The following TOX variants were observed in gnomAD, a reference collection of about 807,000 sequenced individuals.
TOX encodes thymocyte selection-associated high mobility group box protein TOX.
Under a neutral mutation model 53.7 loss-of-function variants are expected in TOX, and 11 were observed. The ratio of observed to expected loss-of-function variants is 0.20; its 90% CI spans 0.13 to 0.34. TOX has a LOEUF of 0.34. Ranked by LOEUF, TOX falls within the 10% of genes least tolerant of loss-of-function variation. The pLI, the probability that TOX is intolerant of heterozygous loss-of-function variation, is 1.00. For synonymous variants in TOX, 225 were observed against 245.3 expected, an observed-to-expected ratio of 0.92 and a Z score of 0.77; for missense variants, 570 against 664.6, an observed-to-expected ratio of 0.86 and a Z score of 1.56.
At chr8:58,889,545 C>T (rs912023486) in intron 3 of TOX, among the ~76,000 whole-genome samples, 5 of 151,970 alleles carry the variant, frequency 3.3e-5, no homozygotes, top group African/African-American at 1.2e-4. Flanking sequence ...GGATACTTTG[C>T]AGTTTTGAAC....
At chr8:58,961,040 A>G (rs1481184930) in intron 1 of TOX, among the ~76,000 whole-genome samples, 1 of 152,234 alleles carries the variant, frequency 6.6e-6, no homozygotes, top group Non-Finnish European at 1.5e-5. Context: ...TGTTATTGAT[A>G]GTGGTGCAAA....
chr8:59,040,716 A>G (rs1446716676), intron 1 of TOX, among the ~76,000 whole-genome samples: 13 of 152,224 alleles, frequency 8.5e-5, no homozygotes, highest in Admixed American at 8.5e-4. Flanking sequence ...CACTTTGACT[A>G]GAAAGTCCAA....
At chr8:58,825,814 A>C (rs1174531728) in intron 6 of TOX, among the ~76,000 whole-genome samples, 3 of 152,220 alleles carry the variant, frequency 2.0e-5, no homozygotes, top group African/African-American at 4.8e-5. Flanking sequence ...AGTTGGTATC[A>C]ACAGAAAATA....
intron 2 of TOX, among the ~76,000 whole-genome samples, chr8:58,956,193 T>A: frequency 6.6e-6 from 1 of 152,194 alleles, no homozygotes; most frequent in East Asian, 1.9e-4. Flanking sequence ...TTAATTTAGA[T>A]GAACATTTAT....
intron 4 of TOX, among the ~76,000 whole-genome samples, chr8:58,842,554 T>A (rs999087138): frequency 2.0e-5 from 3 of 152,174 alleles, no homozygotes; most frequent in African/African-American, 7.2e-5. Context: ...TGTCCAAAAT[T>A]GTGTTTGAAA....
chr8:59,058,037 C>T (rs994381786), intron 1 of TOX, among the ~76,000 whole-genome samples: 2 of 152,098 alleles, frequency 1.3e-5, no homozygotes, highest in Non-Finnish European at 2.9e-5. Context: ...AATATAAAAC[C>T]AATATCCCTA....
In TOX at chr8:58,815,416, C is replaced by A. The variant is rs369635293; in HGVS notation, c.1314G>T (p.Pro438=). 1.2e-6 allele frequency: 2 copies of A among 1,613,766 alleles called. No individual in the cohort carries two copies. Among genetic ancestry groups the A allele is most frequent in the Non-Finnish European group, 1.7e-6 (2 of 1,179,872 alleles). Residue 438 remains proline (P), a synonymous_variant, in exon 7 of 9, where the codon CCG becomes CCT. Coordinates refer to ENST00000361421, the MANE Select transcript of TOX (RefSeq NM_014729.3). The part of the protein sequence containing the change: ...HQHLNMQQHQ[P]LTMQQPLGNQ... ...TCCCAAGGGGCTGCTGCATGGTGAGCGGCTGGTGCTGCTGCATGTTGAGAT... is the reference window on the plus strand; with the variant it reads ...TCCCAAGGGGCTGCTGCATGGTGAGAGGCTGGTGCTGCTGCATGTTGAGAT...
Position 58,815,619 on chromosome 8 carries a change from G to T in TOX, c.1111C>A (p.Leu371Ile). 1 of 1,614,192 alleles carries T rather than the reference G, an allele frequency of 6.2e-7. No individual in the cohort carries two copies. Among genetic ancestry groups the T allele is most frequent in the Non-Finnish European group, 8.5e-7 (1 of 1,180,040 alleles). The change falls in exon 7 of 9, where the codon CTA becomes ATA. Residue 371 changes from leucine to isoleucine, a missense_variant. Around this residue, in one of 3 missense-constraint regions of TOX, gnomAD observed 239 missense variants for 250.7 expected, o/e 0.95. Transcript: ENST00000361421. Reference protein sequence around the residue: ...GPSQAHSALYLSSHYHQQPGM... With the variant: ...GPSQAHSALYISSHYHQQPGM... ...GGTTGTTGGTGATAGTGGGAACTTA[G>T]GTACAGGGCCGAGTGGGCCTGGCTG...
intron 3 of TOX, 91 bp downstream of exon 3, chr8:58,939,211 A>G: frequency 1.3e-6 from 2 of 1,490,324 alleles, no homozygotes; most frequent in Non-Finnish European, 1.8e-6. Flanking sequence ...TCAGAATGCT[A>G]TTATCACAAT....
chr8:59,115,606 T>G (rs1805087171), intron 1 of TOX, among the ~76,000 whole-genome samples: 2 of 152,218 alleles, frequency 1.3e-5, no homozygotes, highest in South Asian at 2.1e-4. Flanking sequence ...ATGGTACTCA[T>G]CTTTCAATGT....
At chr8:58,990,942 T>C (rs1443159409) in intron 1 of TOX, among the ~76,000 whole-genome samples, 3 of 152,228 alleles carry the variant, frequency 2.0e-5, no homozygotes, top group Non-Finnish European at 4.4e-5. Context: ...GAGGTTTCAT[T>C]TTGTTTTAAA....
chr8:59,104,304 T>C (rs1804857610), intron 1 of TOX, among the ~76,000 whole-genome samples: 1 of 152,160 alleles, frequency 6.6e-6, no homozygotes, highest in Non-Finnish European at 1.5e-5. Flanking sequence ...CTATTGCTTA[T>C]TCCTGCAGGC....
intron 3 of TOX, among the ~76,000 whole-genome samples, chr8:58,859,220 TAAC>T (rs1810966058): frequency 6.6e-6 from 1 of 152,274 alleles, no homozygotes; most frequent in East Asian, 1.9e-4. Flanking sequence ...CACTGATAAT[TAAC>T]AATGAAAGAG....
chr8:59,002,358 C>T (rs775394943), intron 1 of TOX, among the ~76,000 whole-genome samples: 15 of 150,644 alleles, frequency 1.0e-4, no homozygotes, highest in South Asian at 2.1e-4. Context: ...TTTGGGAGGC[C>T]GAGGAGGGCG....
intron 3 of TOX, among the ~76,000 whole-genome samples, chr8:58,890,298 G>A (rs1163656648): frequency 3.9e-5 from 6 of 152,112 alleles, no homozygotes; most frequent in African/African-American, 9.7e-5. Context: ...TGGTAGAGTC[G>A]TGGGAGGGAT....
intron 1 of TOX, among the ~76,000 whole-genome samples, chr8:58,979,979 T>C (rs1813171710): frequency 6.6e-6 from 1 of 152,214 alleles, no homozygotes; most frequent in Non-Finnish European, 1.5e-5. Context: ...ATTTAAAAGA[T>C]CCAGGAAGGA....
At chr8:58,856,295 T>C (rs1415503044) in intron 3 of TOX, among the ~76,000 whole-genome samples, 1 of 152,206 alleles carries the variant, frequency 6.6e-6, no homozygotes, top group African/African-American at 2.4e-5. Context: ...AAAATTTATT[T>C]CTTTAACATG....
At chr8:58,910,068 A>C (rs551779065) in intron 3 of TOX, among the ~76,000 whole-genome samples, 24 of 152,164 alleles carry the variant, frequency 1.6e-4, no homozygotes, top group Non-Finnish European at 2.8e-4. Context: ...AGCCACAGAG[A>C]CCAATTTGGC....
intron 3 of TOX, among the ~76,000 whole-genome samples, chr8:58,926,509 G>T (rs1812162640): frequency 6.6e-6 from 1 of 152,166 alleles, no homozygotes; most frequent in South Asian, 2.1e-4. Flanking sequence ...ACTGCATATA[G>T]AATATGCAGT....
Sources: allele counts gnomAD v4.1 joint callset (sites outside exome capture counted in the v4.1 genomes callset), GRCh38; gene constraint gnomAD v4.1.1; regional missense constraint gnomAD v4.1.1; transcripts MANE v1.5; gene names NCBI Gene and HGNC (gene_info 2026-07-23, HGNC 2026-07-21).